The following SUFU variants were observed in gnomAD, a reference collection of about 807,000 sequenced individuals.
The protein encoded by SUFU is SUFU negative regulator of hedgehog signaling.
A neutral mutation model predicts 58.9 loss-of-function variants in SUFU; 7 were observed. The ratio of observed to expected loss-of-function variants is 0.12; its 90% confidence interval spans 0.07 to 0.22. The LOEUF is 0.22. Among genes scored for constraint, SUFU ranks in the 10% least tolerant of loss-of-function variants. SUFU has a pLI of 1.00. For synonymous variants in SUFU, 232 were observed against 254.8 expected (o/e 0.91, Z 0.85); for missense variants, 451 against 641.3 (o/e 0.70, Z 3.20).
chr10:102,583,127 C>A (rs562387831), intron 3 of SUFU, among the ~76,000 whole-genome samples: 20 of 152,298 alleles, frequency 1.3e-4, no homozygotes, highest in African/African-American at 4.6e-4. Flanking sequence ...TCTGAGCATC[C>A]AGGGCATAAA....
chr10:102,610,423 C>T (rs1008114966), intron 8 of SUFU, among the ~76,000 whole-genome samples: 1 of 145,300 alleles, frequency 6.9e-6, no homozygotes, highest in African/African-American at 2.5e-5. Flanking sequence ...AAAAGAAATG[C>T]TTACCTGCCC....
chr10:102,627,340 C>A (rs1293780232), intron 11 of SUFU, 97 bp downstream of exon 11: 1 of 1,129,016 alleles, frequency 8.9e-7, no homozygotes, highest in Non-Finnish European at 1.4e-6. Context: ...TGCGTGTGTA[C>A]CTGTGGTGCG....
intron 3 of SUFU, among the ~76,000 whole-genome samples, chr10:102,556,668 G>A (rs889664436): frequency 4.0e-5 from 6 of 149,352 alleles, no homozygotes; most frequent in African/African-American, 9.9e-5. Flanking sequence ...GCTTGAACCC[G>A]GGAGGCGGAG....
chr10:102,585,948 G>A (rs929717237), intron 3 of SUFU, among the ~76,000 whole-genome samples: 4 of 146,712 alleles, frequency 2.7e-5, no homozygotes, highest in South Asian at 2.2e-4. Flanking sequence ...GCAATGGCAC[G>A]ATCCTGGCTC....
In SUFU at chr10:102,625,816, TCCGTCCTGTGAGCTCCCGAG is replaced by T. The variant is rs1346215047; in HGVS notation, c.1297-1348_1297-1329del. ...CCGTCCACTTCTTGCTTTAGAGACC[TCCGTCCTGTGAGCTCCCGAG>T]CCGTCCTGTGTGCTCACCTTCCTGT... is the stretch of plus-strand genomic sequence containing the variant. On this transcript the variant is annotated intron_variant, in intron 10 of 11. Coordinates refer to ENST00000369902, the MANE Select transcript of SUFU (RefSeq NM_016169.4). This position sits in a 1 kb window ranked among gnomAD's most constrained non-coding sequence, Gnocchi z 4.7. Among the ~76,000 whole-genome samples the T allele has an allele frequency of 3.9e-5, 6 of 152,312 alleles. No homozygotes were observed. The highest frequency in any genetic ancestry group is 8.8e-5 in the Non-Finnish European group (6 of 68,016).
intron 2 of SUFU, among the ~76,000 whole-genome samples, chr10:102,525,029 A>T (rs2062594291): frequency 6.6e-6 from 1 of 152,254 alleles, no homozygotes; most frequent in Admixed American, 6.5e-5. Context: ...GGGCATTTTC[A>T]TAGGAGTCAG....
intron 2 of SUFU, among the ~76,000 whole-genome samples, chr10:102,545,740 G>A (rs1408226457): frequency 1.3e-5 from 2 of 152,178 alleles, no homozygotes; most frequent in Non-Finnish European, 2.9e-5. Flanking sequence ...TTGAGAGGTA[G>A]AGGCGGGCAG....
intron 2 of SUFU, among the ~76,000 whole-genome samples, chr10:102,549,398 C>A (rs189122224): frequency 6.6e-6 from 1 of 152,300 alleles, no homozygotes; most frequent in Admixed American, 6.5e-5. Flanking sequence ...TGAGAACTCA[C>A]TCACTATGAC....
chr10:102,587,367 G>A (rs1354509460), intron 3 of SUFU, among the ~76,000 whole-genome samples: 2 of 152,040 alleles, frequency 1.3e-5, no homozygotes, highest in Admixed American at 6.5e-5. Flanking sequence ...ACCAACACTT[G>A]TGCACTTATT....
At chr10:102,583,009 C>T (rs892023465) in intron 3 of SUFU, among the ~76,000 whole-genome samples, 4 of 152,150 alleles carry the variant, frequency 2.6e-5, no homozygotes, top group Admixed American at 6.5e-5. Context: ...GGGCCTCTAA[C>T]TGAGACATTA....
At chr10:102,581,158 C>T (rs957141313) in intron 3 of SUFU, among the ~76,000 whole-genome samples, 11 of 121,236 alleles carry the variant, frequency 9.1e-5, no homozygotes, top group Admixed American at 2.0e-4. Flanking sequence ...CCAGCCTGGG[C>T]GACAGAGAGA....
intron 3 of SUFU, among the ~76,000 whole-genome samples, chr10:102,570,509 C>A (rs2063149121): frequency 6.6e-6 from 1 of 151,172 alleles, no homozygotes; most frequent in African/African-American, 2.4e-5. Flanking sequence ...CCAAAGGAGA[C>A]CATTTATTAA....
intron 3 of SUFU, among the ~76,000 whole-genome samples, chr10:102,574,576 A>G (rs1436068238): frequency 6.6e-6 from 1 of 152,128 alleles, no homozygotes; most frequent in Non-Finnish European, 1.5e-5. Context: ...TTGTGCCACT[A>G]CACTCTAGCC....
chr10:102,573,156 C>A, intron 3 of SUFU: 2 of 772,774 alleles, frequency 2.6e-6, no homozygotes, highest in South Asian at 2.7e-5. Flanking sequence ...GCCTTCTTGG[C>A]CTTCAAAGCC....
chr10:102,585,705 A>G (rs2063328751), intron 3 of SUFU, among the ~76,000 whole-genome samples: 1 of 151,144 alleles, frequency 6.6e-6, no homozygotes, highest in Non-Finnish European at 1.5e-5. Flanking sequence ...TTTTATAGAG[A>G]TGGGGTTTTG....
intron 3 of SUFU, among the ~76,000 whole-genome samples, chr10:102,572,533 G>C (rs2063173101): frequency 6.6e-6 from 1 of 151,856 alleles, no homozygotes; most frequent in South Asian, 2.1e-4. Flanking sequence ...GGGATTACAG[G>C]CACCTGCCAC....
chr10:102,587,213 A>G (rs2063343570), intron 3 of SUFU, among the ~76,000 whole-genome samples: 1 of 152,200 alleles, frequency 6.6e-6, no homozygotes, highest in Non-Finnish European at 1.5e-5. Context: ...TTTTGGCTAT[A>G]TACCCAGATG....
rs538132960 is a variant in SUFU at position 102,633,394 on chromosome 10, C to T, written c.*3239C>T. On this transcript the variant is annotated 3_prime_UTR_variant, in exon 12 of 12. Transcript: ENST00000369902. ...ATTTTTGGGTGACTCACTTAGATGT[C>T]GTTTCCTTCTTGCCCCCTCTTCCTC... The T allele has an allele frequency of 4.3e-6, 1 of 233,170 alleles. No homozygotes were observed. The highest frequency in any genetic ancestry group is 8.5e-6 in the Non-Finnish European group (1 of 117,782). The allele number at this position is 233,170 out of a possible 1,614,324, so 14.4% of individuals were successfully genotyped here. A position where few individuals can be genotyped will look rare whatever the true frequency, so the allele number is the denominator to read the frequency against.
Position 102,631,530 on chromosome 10 carries a change from A to G in SUFU, c.*1375A>G, listed in dbSNP as rs1475161329. On this transcript the variant is annotated 3_prime_UTR_variant, in exon 12 of 12. Transcript: ENST00000369902. ...CAACTCTAGGGATGGGACTGTTACA[A>G]TACTTCAAGATCACTCTTTACACCT... The G allele has an allele frequency of 8.6e-6, 2 of 233,356 alleles. No homozygotes were observed. The highest frequency in any genetic ancestry group is 1.2e-4 in the East Asian group (2 of 16,602). 14.5% of individuals were successfully genotyped at this position (233,356 alleles called of 1,614,324 possible). A position where few individuals can be genotyped will look rare whatever the true frequency, so the allele number is the denominator to read the frequency against.
Sources: gnomAD v4.1 joint callset for allele counts (sites outside exome capture counted in the v4.1 genomes callset) on GRCh38, gnomAD v4.1.1 for gene constraint, Gnocchi (gnomAD v3.1) non-coding constraint, MANE v1.5 for transcripts, NCBI Gene and HGNC (gene_info 2026-07-23, HGNC 2026-07-21) for gene names.